MACF1: variants seen among roughly 807,000 people sequenced by gnomAD.
MACF1 encodes the protein microtubule-actin cross-linking factor 1.
In MACF1, 193 loss-of-function variants were observed where a neutral mutation model predicts 854.8. That is an observed-to-expected ratio of 0.23 (90% CI 0.20 to 0.25). The LOEUF is 0.25. Among genes scored for constraint, MACF1 ranks in the 10% least tolerant of loss-of-function variants. The pLI, the probability that MACF1 is intolerant of heterozygous loss-of-function variation, is 1.00. For synonymous variants in MACF1, 3,185 were observed against 3,226.7 expected, an observed-to-expected ratio of 0.99 and a Z score of 0.44; for missense variants, 7,722 against 8,929.1, an observed-to-expected ratio of 0.86 and a Z score of 5.45.
At chr1:39,437,500 C>T (rs1212174551) in intron 70 of MACF1, among the ~76,000 whole-genome samples, 5 of 151,742 alleles carry the variant, frequency 3.3e-5, no homozygotes, top group Non-Finnish European at 2.9e-5. Flanking sequence ...TTAGTAGGGA[C>T]GGCGTTTCAC....
chr1:39,182,917 G>A (rs1212987587), intron 2 of MACF1, among the ~76,000 whole-genome samples: 1 of 152,118 alleles, frequency 6.6e-6, no homozygotes, highest in African/African-American at 2.4e-5. Flanking sequence ...GTTCATAGCA[G>A]CATTATTCAT....
intron 2 of MACF1, among the ~76,000 whole-genome samples, chr1:39,167,501 G>C (rs1255851801): frequency 6.6e-6 from 1 of 151,946 alleles, no homozygotes; most frequent in Non-Finnish European, 1.5e-5. Context: ...GAAGTCAGGA[G>C]TTCAAGACCA....
intron 6 of MACF1, among the ~76,000 whole-genome samples, chr1:39,275,609 G>A (rs754861503): frequency 6.6e-6 from 1 of 151,562 alleles, no homozygotes; most frequent in Non-Finnish European, 1.5e-5. Flanking sequence ...AAGAGTGATG[G>A]GAAAACCTCT....
intron 33 of MACF1, 99 bp from the exon 34 acceptor site, chr1:39,324,094 G>C: frequency 8.2e-7 from 1 of 1,222,664 alleles, no homozygotes; most frequent in Non-Finnish European, 1.1e-6. Context: ...TTAGGTAACT[G>C]TATCTGTTTT....
intron 2 of MACF1, among the ~76,000 whole-genome samples, chr1:39,098,424 C>A (rs989660822): frequency 2.6e-5 from 4 of 152,232 alleles, no homozygotes; most frequent in African/African-American, 9.6e-5. Flanking sequence ...CCCACTGCCT[C>A]CCCCATTACA....
intron 35 of MACF1, 147 bp from the exon 36 acceptor site, chr1:39,327,071 A>G (rs1283726626): frequency 1.4e-6 from 1 of 716,122 alleles, no homozygotes; most frequent in East Asian, 2.8e-5. Context: ...GATAAACAGA[A>G]GAACTGACTG....
intron 2 of MACF1, among the ~76,000 whole-genome samples, chr1:39,096,678 G>A (rs1409157186): frequency 6.6e-6 from 1 of 151,256 alleles, no homozygotes. Flanking sequence ...TTGCTCTGTT[G>A]CCCAGGCTGC....
At chr1:39,314,277 C>T (rs1488044513) in intron 26 of MACF1, among the ~76,000 whole-genome samples, 7 of 151,980 alleles carry the variant, frequency 4.6e-5, no homozygotes, top group South Asian at 2.1e-4. Flanking sequence ...GGCATGGTGG[C>T]GTGTGCCTGT....
chr1:39,452,140 C>T lies in MACF1; in HGVS notation c.20419-16C>T. On this transcript the variant is annotated splice_polypyrimidine_tract_variant and intron_variant, in intron 85 of 100. Transcript: ENST00000564288. ...ACATTCCTTGAACAAACAAATTCTC[C>T]TATTTTCTTTTCTAGGTTTTCCAGA... is the stretch of plus-strand genomic sequence containing the variant. 1 of 1,572,238 alleles carries T rather than the reference C, an allele frequency of 6.4e-7. No individual in the cohort carries two copies. The highest frequency in any genetic ancestry group is 8.6e-7 in the Non-Finnish European group (1 of 1,159,920).
intron 36 of MACF1, among the ~76,000 whole-genome samples, chr1:39,330,412 G>A (rs1313347231): frequency 6.6e-6 from 1 of 152,208 alleles, no homozygotes; most frequent in Non-Finnish European, 1.5e-5. Flanking sequence ...CTATGGACCA[G>A]TCCTGCTGTG....
chr1:39,378,356 C>T (rs78976515), intron 52 of MACF1, 105 bp from the exon 53 acceptor site: 16,672 of 759,622 alleles, frequency 0.022, 231 homozygotes, highest in Non-Finnish European at 0.028. Flanking sequence ...GTGTTAACTT[C>T]CTGATACCTA....
At chr1:39,438,853 C>T (rs187878483) in intron 71 of MACF1, among the ~76,000 whole-genome samples, 15 of 150,002 alleles carry the variant, frequency 1.0e-4, no homozygotes, top group African/African-American at 2.4e-4. Flanking sequence ...GAGGCCGAGG[C>T]GGGTGGATCA....
At position 39,334,798 on chromosome 1, in the gene MACF1, A is replaced by G. The variant is rs1422931910; in HGVS notation, c.8210A>G (p.Asp2737Gly). Reference sequence around the variant, plus strand: ...GGAGGAATTGTTGACATATTTAGTGATCAGAGAGTGACTTTAGTAGAAGCT... The same window carrying G: ...GGAGGAATTGTTGACATATTTAGTGGTCAGAGAGTGACTTTAGTAGAAGCT... ...LNGGIVDIFS[D>G]QRVTLVEAIE... Residue 2737 changes from aspartate to glycine, a missense_variant, in exon 37 of 101, where the codon GAT (aspartate) becomes GGT (glycine). By Grantham distance (94) the Asp-to-Gly change is moderately conservative. Transcript: ENST00000564288. 2 of 1,614,166 alleles carry G rather than the reference A, an allele frequency of 1.2e-6. No homozygotes were observed. The highest frequency in any genetic ancestry group is 2.7e-5 in the African/African-American group (2 of 75,046).
intron 6 of MACF1, chr1:39,269,684 G>A (rs1645278248): frequency 7.8e-7 from 1 of 1,289,748 alleles, no homozygotes; most frequent in Non-Finnish European, 1.0e-6. Flanking sequence ...CTCTTTCTCT[G>A]GAGGCAAGCC....
At chr1:39,187,890 C>CTG (rs1644195552) in intron 2 of MACF1, among the ~76,000 whole-genome samples, 1 of 13,364 alleles carries the variant, frequency 7.5e-5, no homozygotes, top group Non-Finnish European at 2.5e-4. Context: ...CTGTCTCTCT[C>CTG]TCTCTCTCTC....
intron 58 of MACF1, among the ~76,000 whole-genome samples, chr1:39,405,207 G>A (rs1030829066): frequency 5.9e-5 from 9 of 152,128 alleles, no homozygotes; most frequent in African/African-American, 2.2e-4. Flanking sequence ...GAGCCACTCC[G>A]TAGCCATGTT....
At chr1:39,166,416 A>ATATT (rs56404463) in intron 2 of MACF1, among the ~76,000 whole-genome samples, 12 of 149,234 alleles carry the variant, frequency 8.0e-5, no homozygotes, top group South Asian at 4.3e-4. Context: ...CCAGCACTAG[A>ATATT]TATTTATTTA....
intron 2 of MACF1, among the ~76,000 whole-genome samples, chr1:39,178,355 C>A (rs547526641): frequency 5.0e-4 from 76 of 152,148 alleles, no homozygotes; most frequent in African/African-American, 1.7e-3. Context: ...TTCCTGAAAC[C>A]TTAAAATATA....
chr1:39,119,053 T>C (rs1642619126), intron 2 of MACF1, among the ~76,000 whole-genome samples: 1 of 152,166 alleles, frequency 6.6e-6, no homozygotes, highest in Non-Finnish European at 1.5e-5. Context: ...CCACGGTGGC[T>C]CACACCTGTA....
Sources: allele counts gnomAD v4.1 joint callset (sites outside exome capture counted in the v4.1 genomes callset), GRCh38; gene constraint gnomAD v4.1.1; transcripts MANE v1.5; gene names NCBI Gene and HGNC (gene_info 2026-07-23, HGNC 2026-07-21).